FAM107B: variants seen among roughly 807,000 people sequenced by gnomAD.
FAM107B encodes protein FAM107B.
Under a neutral mutation model 31.5 loss-of-function variants are expected in FAM107B, and 21 were observed. The observed-to-expected ratio is 0.67, with a 90% CI of 0.47 to 0.96. The LOEUF (loss-of-function observed/expected upper bound fraction) is 0.96, where lower values mean the gene tolerates loss of function less well. FAM107B is among the 40% of genes least tolerant of loss of function. The pLI is 0.00. For synonymous variants in FAM107B, 157 were observed against 141.5 expected (o/e 1.11, Z -0.78); for missense variants, 452 against 377.1 (o/e 1.20, Z -1.64).
intron 1 of FAM107B, among the ~76,000 whole-genome samples, chr10:14,690,027 G>A (rs140809440): frequency 3.4e-5 from 4 of 117,484 alleles, no homozygotes; most frequent in Non-Finnish European, 3.8e-5. Context: ...GGAAGGAAGG[G>A]AGGGAGGGAG....
At chr10:14,736,543 G>A (rs1856304709) in intron 1 of FAM107B, among the ~76,000 whole-genome samples, 1 of 152,130 alleles carries the variant, frequency 6.6e-6, no homozygotes, top group African/African-American at 2.4e-5. Flanking sequence ...TGTAAGAACA[G>A]TAAGTCCATT....
chr10:14,583,369 A>T (rs985492396), intron 2 of FAM107B, among the ~76,000 whole-genome samples: 14 of 152,120 alleles, frequency 9.2e-5, no homozygotes, highest in African/African-American at 3.4e-4. Flanking sequence ...TACTGCAGGG[A>T]AAGTAGCTGC....
At chr10:14,610,635 C>T (rs1400928157) in intron 2 of FAM107B, among the ~76,000 whole-genome samples, 1 of 152,146 alleles carries the variant, frequency 6.6e-6, no homozygotes, top group African/African-American at 2.4e-5. Context: ...ATGCCCAAAT[C>T]TGAAAGAACA....
At chr10:14,537,589 C>G (rs1031278730) in intron 2 of FAM107B, among the ~76,000 whole-genome samples, 2 of 152,124 alleles carry the variant, frequency 1.3e-5, no homozygotes, top group African/African-American at 4.8e-5. Flanking sequence ...CCTGTAATCC[C>G]AGCACTTTGG....
At chr10:14,581,063 T>C (rs1249112286) in intron 2 of FAM107B, among the ~76,000 whole-genome samples, 1 of 152,148 alleles carries the variant, frequency 6.6e-6, no homozygotes, top group Non-Finnish European at 1.5e-5. Flanking sequence ...ACCCAAAGTC[T>C]ATGAAATGTA....
intron 3 of FAM107B, chr10:14,529,785 C>T (rs964936794): frequency 6.6e-6 from 1 of 152,128 alleles, no homozygotes; most frequent in Non-Finnish European, 1.5e-5. Flanking sequence ...AAGGTAAATG[C>T]TTTCCTGTCC....
rs111235210 is a variant in FAM107B, at chr10:14,637,682, A to T, written c.469+29952T>A. 6.6e-5 allele frequency among the ~76,000 whole-genome samples: 10 copies of T among 152,236 alleles called. 1 individual carries two copies. Among genetic ancestry groups the T allele is most frequent in the African/African-American group, 2.4e-4 (10 of 41,536 alleles). On this transcript the variant is annotated intron_variant, in intron 2 of 4. Coordinates refer to ENST00000181796, the MANE Select transcript of FAM107B (RefSeq NM_031453.4). ...AGATGGCAAGGGTGACAGGATGGAC[A>T]TGATTCCAAGATGATTTTATTCATC...
intron 1 of FAM107B, among the ~76,000 whole-genome samples, chr10:14,707,110 A>G (rs907243657): frequency 1.3e-5 from 2 of 152,114 alleles, no homozygotes; most frequent in Admixed American, 1.3e-4. Flanking sequence ...TGGGCGACAG[A>G]GCAAGACTCT....
Position 14,678,761 on chromosome 10 carries a change from A to G in FAM107B, c.412-11070T>C, listed in dbSNP as rs191712749. 5.4e-3 allele frequency among the ~76,000 whole-genome samples: 818 copies of G among 152,326 alleles called. 1 individual carries two copies. Among genetic ancestry groups the G allele is most frequent in the Non-Finnish European group, 8.4e-3 (573 of 68,036 alleles). On this transcript the variant is annotated intron_variant, in intron 1 of 4. Coordinates refer to ENST00000181796, the MANE Select transcript of FAM107B (RefSeq NM_031453.4). ...TTGACTAGCATGTTGGAAAGAGAGA[A>G]GGTGACAGAAATCACATCAGCTCTT...
intron 1 of FAM107B, among the ~76,000 whole-genome samples, chr10:14,688,097 G>C (rs1489028988): frequency 6.6e-6 from 1 of 152,210 alleles, no homozygotes; most frequent in Non-Finnish European, 1.5e-5. Context: ...GAGAAATTGG[G>C]AGAAGCTGAC....
At chr10:14,570,480 C>T (rs1383684481) in intron 2 of FAM107B, among the ~76,000 whole-genome samples, 1 of 152,138 alleles carries the variant, frequency 6.6e-6, no homozygotes, top group Non-Finnish European at 1.5e-5. Context: ...CCAAGACATT[C>T]TCTCCCTAAT....
chr10:14,591,778 A>G (rs1852028091), intron 2 of FAM107B, among the ~76,000 whole-genome samples: 1 of 152,186 alleles, frequency 6.6e-6, no homozygotes, highest in Non-Finnish European at 1.5e-5. Context: ...TAATCCTGCC[A>G]AAAACACTGC....
rs577134486 is a variant in FAM107B, at chr10:14,766,679, A to T, written c.411+7574T>A. 2.0e-5 allele frequency among the ~76,000 whole-genome samples: 3 copies of T among 152,096 alleles called. No individual in the cohort carries two copies. In the East Asian group the frequency reaches 5.8e-4, roughly 30 times the overall value. On this transcript the variant is annotated intron_variant, in intron 1 of 4. Transcript: ENST00000181796. The stretch of plus-strand genomic sequence containing the variant: ...TGAGCTAGTACTCATTTGATGATCA[A>T]TGAGTGGTACTTATAATGGCCATAG...
intron 1 of FAM107B, chr10:14,723,735 G>C (rs1855966840): frequency 6.6e-6 from 5 of 757,844 alleles, no homozygotes; most frequent in Admixed American, 3.4e-5. Context: ...GGTTAGTGAA[G>C]GTTCCAGGGG....
At chr10:14,549,577 A>G (rs3813876) in intron 2 of FAM107B, among the ~76,000 whole-genome samples, 3,380 of 152,226 alleles carry the variant, frequency 0.022, 66 homozygotes, top group East Asian at 0.09. Context: ...CCCTGATTCA[A>G]CTCTGCACAT....
At chr10:14,585,165 G>C (rs1269352303) in intron 2 of FAM107B, among the ~76,000 whole-genome samples, 3 of 152,164 alleles carry the variant, frequency 2.0e-5, no homozygotes, top group Non-Finnish European at 2.9e-5. Context: ...CCACCCTGTA[G>C]AGTGTACTTT....
At chr10:14,680,251 A>G (rs1854798637) in intron 1 of FAM107B, among the ~76,000 whole-genome samples, 1 of 152,108 alleles carries the variant, frequency 6.6e-6, no homozygotes, top group Non-Finnish European at 1.5e-5. Flanking sequence ...AAGAGAATGA[A>G]TCCAGAACCT....
intron 2 of FAM107B, among the ~76,000 whole-genome samples, chr10:14,654,144 G>C (rs1853976599): frequency 6.7e-6 from 1 of 149,392 alleles, no homozygotes; most frequent in Non-Finnish European, 1.5e-5. Context: ...ATGCAGGCCT[G>C]GTTTGGCTAG....
chr10:14,597,920 A>G (rs532007619), intron 2 of FAM107B, among the ~76,000 whole-genome samples: 1 of 152,322 alleles, frequency 6.6e-6, no homozygotes, highest in Non-Finnish European at 1.5e-5. Flanking sequence ...ACTGCACTCC[A>G]GCCTGGGTGA....
Sources: gnomAD v4.1 joint callset for allele counts (sites outside exome capture counted in the v4.1 genomes callset) on GRCh38, gnomAD v4.1.1 for gene constraint, MANE v1.5 for transcripts, NCBI Gene and HGNC (gene_info 2026-07-23, HGNC 2026-07-21) for gene names.